The following HS6ST3 variants were observed in gnomAD, a reference collection of about 807,000 sequenced individuals.
HS6ST3 encodes the protein heparan sulfate 6-O-sulfotransferase 3, also known as heparan-sulfate 6-O-sulfotransferase 3.
Under a neutral mutation model 36.7 loss-of-function variants are expected in HS6ST3, and 12 were observed. The observed-to-expected ratio is 0.33, with a 90% CI of 0.21 to 0.53. The LOEUF is 0.53. Among genes scored for constraint, HS6ST3 ranks in the 20% least tolerant of loss-of-function variants. HS6ST3 has a pLI of 0.95. For synonymous variants in HS6ST3, 240 were observed against 257.5 expected (o/e 0.93, Z 0.65); for missense variants, 584 against 640.9 (o/e 0.91, Z 0.96).
chr13:96,577,200 G>A (rs1461182471), intron 1 of HS6ST3, among the ~76,000 whole-genome samples: 1 of 152,026 alleles, frequency 6.6e-6, no homozygotes, highest in Non-Finnish European at 1.5e-5. Context: ...GGTGTGTGAT[G>A]TTCTCCTGCC....
intron 1 of HS6ST3, among the ~76,000 whole-genome samples, chr13:96,535,475 T>C (rs920176582): frequency 6.6e-6 from 1 of 151,554 alleles, no homozygotes; most frequent in African/African-American, 2.4e-5. Context: ...GGAGAATCTC[T>C]TGAACCCGGG....
At chr13:96,469,710 ATAG>A (rs1266022333) in intron 1 of HS6ST3, among the ~76,000 whole-genome samples, 5 of 151,914 alleles carry the variant, frequency 3.3e-5, no homozygotes, top group African/African-American at 1.2e-4. Flanking sequence ...GAAAATAGAG[ATAG>A]TAGTGGTGGT....
intron 1 of HS6ST3, among the ~76,000 whole-genome samples, chr13:96,344,834 G>A (rs1387509722): frequency 3.3e-5 from 5 of 152,166 alleles, no homozygotes; most frequent in East Asian, 1.9e-4. Flanking sequence ...GGTATTATAC[G>A]AATGCCTGTT....
chr13:96,570,353 G>C (rs1344483609), intron 1 of HS6ST3, among the ~76,000 whole-genome samples: 2 of 152,116 alleles, frequency 1.3e-5, no homozygotes, highest in African/African-American at 2.4e-5. Flanking sequence ...TGAATATTAA[G>C]CCACAGAAAG....
intron 1 of HS6ST3, among the ~76,000 whole-genome samples, chr13:96,578,441 G>C (rs1444732328): frequency 1.3e-5 from 2 of 152,206 alleles, no homozygotes; most frequent in Non-Finnish European, 2.9e-5. Flanking sequence ...TGATGAGGGT[G>C]CCCACTACCT....
intron 1 of HS6ST3, among the ~76,000 whole-genome samples, chr13:96,754,257 ATTTATTATT>A (rs1876770871): frequency 6.6e-6 from 1 of 152,078 alleles, no homozygotes; most frequent in African/African-American, 2.4e-5. Flanking sequence ...AATCGAGAAG[ATTTATTATT>A]TTTTCTCCTC....
chr13:96,453,600 T>C (rs550918867), intron 1 of HS6ST3, among the ~76,000 whole-genome samples: 7 of 152,126 alleles, frequency 4.6e-5, no homozygotes, highest in Non-Finnish European at 8.8e-5. Context: ...ACACCCATGG[T>C]GTCCTTTCAG....
At chr13:96,310,868 G>A (rs912902025) in intron 1 of HS6ST3, among the ~76,000 whole-genome samples, 63 of 152,206 alleles carry the variant, frequency 4.1e-4, no homozygotes, top group African/African-American at 1.5e-3. Flanking sequence ...TTAGCTGAAA[G>A]CTAGGGGCTT....
chr13:96,674,062 C>T (rs1444738146), intron 1 of HS6ST3, among the ~76,000 whole-genome samples: 2 of 152,084 alleles, frequency 1.3e-5, no homozygotes, highest in Admixed American at 1.3e-4. Context: ...TGTATCCCTA[C>T]CCAATCTTGT....
chr13:96,272,672 T>G (rs1369359070), intron 1 of HS6ST3, among the ~76,000 whole-genome samples: 1 of 152,016 alleles, frequency 6.6e-6, no homozygotes, highest in East Asian at 1.9e-4. Context: ...TTGTGCTTAT[T>G]TAATTAAAGT....
At chr13:96,520,098 C>G (rs1197645719) in intron 1 of HS6ST3, among the ~76,000 whole-genome samples, 1 of 152,240 alleles carries the variant, frequency 6.6e-6, no homozygotes, top group Non-Finnish European at 1.5e-5. Flanking sequence ...TTTCCCAACA[C>G]CGTTTATTAA....
At chr13:96,449,807 AAC>A (rs1232430175) in intron 1 of HS6ST3, among the ~76,000 whole-genome samples, 4 of 152,228 alleles carry the variant, frequency 2.6e-5, no homozygotes, top group Non-Finnish European at 5.9e-5. Flanking sequence ...ACTTCTTAGA[AAC>A]AGTTTCCAAA....
chr13:96,161,744 A>G (rs1457998908), intron 1 of HS6ST3, among the ~76,000 whole-genome samples: 2 of 152,344 alleles, frequency 1.3e-5, no homozygotes, highest in African/African-American at 2.4e-5. Context: ...CTGTGCTAAC[A>G]GAAGAAAGCA....
chr13:96,372,245 C>A (rs769559478), intron 1 of HS6ST3, among the ~76,000 whole-genome samples: 2 of 152,102 alleles, frequency 1.3e-5, no homozygotes, highest in Non-Finnish European at 2.9e-5. Context: ...CTGATGTTGA[C>A]CATTTTTTGC....
intron 1 of HS6ST3, among the ~76,000 whole-genome samples, chr13:96,337,651 A>T (rs993959776): frequency 1.3e-5 from 2 of 152,056 alleles, no homozygotes; most frequent in Non-Finnish European, 2.9e-5. Flanking sequence ...GTATTTTTTC[A>T]TCTCTATAGC....
chr13:96,138,523 G>A (rs2054014177), intron 1 of HS6ST3, among the ~76,000 whole-genome samples: 1 of 151,254 alleles, frequency 6.6e-6, no homozygotes, highest in African/African-American at 2.4e-5. Context: ...ATTTTCACAT[G>A]TTTGTACCAT....
chr13:96,109,597 G>A (rs1566883962), intron 1 of HS6ST3, among the ~76,000 whole-genome samples: 1 of 152,156 alleles, frequency 6.6e-6, no homozygotes, highest in African/African-American at 2.4e-5. Flanking sequence ...ATATCTGTTT[G>A]TTCTGTTCTG....
chr13:96,572,133 C>A (rs1369456449), intron 1 of HS6ST3, among the ~76,000 whole-genome samples: 1 of 152,194 alleles, frequency 6.6e-6, no homozygotes, highest in African/African-American at 2.4e-5. Flanking sequence ...TTAATTTCTG[C>A]TATTAATAGA....
chr13:96,428,652 C>T (rs2055599208), intron 1 of HS6ST3, among the ~76,000 whole-genome samples: 1 of 152,110 alleles, frequency 6.6e-6, no homozygotes, highest in South Asian at 2.1e-4. Context: ...CAAATAATGT[C>T]AGGTACAAGG....
Sources: gnomAD v4.1 joint callset for allele counts (sites outside exome capture counted in the v4.1 genomes callset) on GRCh38, gnomAD v4.1.1 for gene constraint, MANE v1.5 for transcripts, NCBI Gene and HGNC (gene_info 2026-07-23, HGNC 2026-07-21) for gene names.